Variants in MACROD2 observed in about 807,000 individuals in gnomAD.
MACROD2 encodes ADP-ribose glycohydrolase MACROD2.
A neutral mutation model predicts 70.4 loss-of-function variants in MACROD2; 36 were observed. The ratio of observed to expected loss-of-function variants is 0.51; its 90% CI spans 0.39 to 0.68. The LOEUF (loss-of-function observed/expected upper bound fraction) is 0.68. MACROD2 is among the 30% of genes least tolerant of loss of function. MACROD2 has a pLI of 0.00. For missense variants in MACROD2, 496 were observed against 538.4 expected (o/e 0.92, Z 0.78); for synonymous variants, 172 against 178.8 (o/e 0.96, Z 0.30).
intron 4 of MACROD2, among the ~76,000 whole-genome samples, chr20:14,538,386 T>G (rs1225584423): frequency 1.3e-5 from 2 of 152,180 alleles, no homozygotes; most frequent in African/African-American, 2.4e-5. Flanking sequence ...GTCACAAGCC[T>G]TCCCTCTGTT....
At chr20:16,004,163 G>A (rs2066754329) in intron 15 of MACROD2, among the ~76,000 whole-genome samples, 2 of 152,106 alleles carry the variant, frequency 1.3e-5, no homozygotes, top group Admixed American at 1.3e-4. Context: ...ATTACCTGTG[G>A]TAAGGATGAG....
intron 7 of MACROD2, among the ~76,000 whole-genome samples, chr20:15,453,863 T>C (rs549895167): frequency 6.6e-6 from 1 of 152,258 alleles, no homozygotes; most frequent in African/African-American, 2.4e-5. Context: ...CTTCTAGTTA[T>C]CTCATGGCGA....
At chr20:15,354,695 T>C (rs942688176) in intron 6 of MACROD2, among the ~76,000 whole-genome samples, 1 of 152,124 alleles carries the variant, frequency 6.6e-6, no homozygotes, top group Non-Finnish European at 1.5e-5. Flanking sequence ...AATACAAAAA[T>C]ATGAAGCTAC....
chr20:15,367,262 G>A (rs143859013), intron 6 of MACROD2, among the ~76,000 whole-genome samples: 1,845 of 152,156 alleles, frequency 0.012, 34 homozygotes, highest in African/African-American at 0.038. Context: ...TCCTGACCTT[G>A]TGATCCGCCT....
In MACROD2 at chr20:15,215,296, G is replaced by GTA. The variant is rs1160467095; in HGVS notation, c.419-14642_419-14641dup. Among the ~76,000 whole-genome samples the GTA allele has an allele frequency of 8.3e-5, 12 of 145,024 alleles. No homozygotes were observed. The East Asian group carries it at 2.4e-3, about 29-fold the overall frequency. On this transcript the variant is annotated intron_variant, in intron 5 of 17. Coordinates refer to ENST00000684519, the MANE Select transcript of MACROD2 (RefSeq NM_001351661.2). ...TGTGTGTGTGTGTGTGTGTGTGTGT[G>GTA]TATTTTCAACCAGGAAGCATATGCT...
chr20:15,776,397 CT>C (rs1392741786), intron 8 of MACROD2, among the ~76,000 whole-genome samples: 1 of 152,146 alleles, frequency 6.6e-6, no homozygotes, highest in Non-Finnish European at 1.5e-5. Flanking sequence ...TGGGAGGCTT[CT>C]CTCACCTGAA....
intron 3 of MACROD2, among the ~76,000 whole-genome samples, chr20:14,222,816 A>AGG (rs1569213380): frequency 1.2e-3 from 9 of 7,768 alleles, no homozygotes; most frequent in African/African-American, 4.0e-3. Context: ...GATTTCTGAA[A>AGG]AAAAAAAAAA....
intron 4 of MACROD2, among the ~76,000 whole-genome samples, chr20:14,618,775 C>T (rs1224664864): frequency 6.6e-6 from 1 of 152,116 alleles, no homozygotes; most frequent in Non-Finnish European, 1.5e-5. Flanking sequence ...AGTGTGAATA[C>T]ATTCATATGG....
At chr20:14,468,034 G>A (rs2084478167) in intron 3 of MACROD2, among the ~76,000 whole-genome samples, 1 of 152,016 alleles carries the variant, frequency 6.6e-6, no homozygotes, top group African/African-American at 2.4e-5. Context: ...TTCCAATAAT[G>A]TGGTCAATTT....
intron 4 of MACROD2, among the ~76,000 whole-genome samples, chr20:14,579,094 A>ATTT (rs34954410): frequency 1.1e-5 from 1 of 90,982 alleles, no homozygotes; most frequent in Non-Finnish European, 2.3e-5. Flanking sequence ...TAACACATTC[A>ATTT]TTTTTTTTTC....
At chr20:14,028,978 T>C (rs573971494) in intron 2 of MACROD2, among the ~76,000 whole-genome samples, 2 of 152,330 alleles carry the variant, frequency 1.3e-5, no homozygotes, top group East Asian at 3.9e-4. Flanking sequence ...TCCACTGTAC[T>C]TTGATCTGGG....
intron 6 of MACROD2, among the ~76,000 whole-genome samples, chr20:15,340,281 G>A (rs2146205935): frequency 6.6e-6 from 1 of 151,380 alleles, no homozygotes; most frequent in African/African-American, 2.4e-5. Flanking sequence ...GGCATTACAG[G>A]TGCCCACCAC....
In MACROD2 at chr20:14,075,623, CT is replaced by C. The variant is rs1357641076; in HGVS notation, c.164-9995del. Among the ~76,000 whole-genome samples, 59 of 152,268 alleles carry C rather than the reference CT, an allele frequency of 3.9e-4. 1 individual carries two copies. The East Asian group carries it at 6.2e-3, about 16-fold the overall frequency. On this transcript the variant is annotated intron_variant, in intron 2 of 17. Transcript: ENST00000684519. ...CTCCCCTTGCCATCTTTGATTTCCC[CT>C]TTAATTCTCTTGAATCTTTTGATGT...
At chr20:15,112,972 G>GTGTGTGTGTGTGTGTC (rs1555783893) in intron 5 of MACROD2, among the ~76,000 whole-genome samples, 245 of 151,940 alleles carry the variant, frequency 1.6e-3, no homozygotes, top group Non-Finnish European at 3.0e-3. Flanking sequence ...GTGTGTGTGT[G>GTGTGTGTGTGTGTGTC]TGTGTGTGTT....
Position 14,975,001 on chromosome 20 carries a change from G to A in MACROD2, c.419-254939G>A, listed in dbSNP as rs377695609. ...TTACCTTGGCACTATTGACATTGTGGGTTAGATAATTCTTTGTTATTGGAG... is the reference window on the plus strand; with the variant it reads ...TTACCTTGGCACTATTGACATTGTGAGTTAGATAATTCTTTGTTATTGGAG... On this transcript the variant is annotated intron_variant, in intron 5 of 17. Transcript: ENST00000684519. Among the ~76,000 whole-genome samples, 21 of 152,186 alleles carry A rather than the reference G, an allele frequency of 1.4e-4. No individual in the cohort carries two copies. The South Asian group carries it at 4.1e-3, about 30-fold the overall frequency.
chr20:14,524,873 T>C (rs1193243233), intron 4 of MACROD2, among the ~76,000 whole-genome samples: 1 of 152,152 alleles, frequency 6.6e-6, no homozygotes, highest in Non-Finnish European at 1.5e-5. Context: ...ACTTGCCTCA[T>C]ACTGTCTCTG....
intron 2 of MACROD2, among the ~76,000 whole-genome samples, chr20:14,032,908 TGCTA>T (rs2148633008): frequency 6.6e-6 from 1 of 152,322 alleles, no homozygotes; most frequent in South Asian, 2.1e-4. Context: ...CTTTAGTAAG[TGCTA>T]GCTTTTATAA....
At chr20:15,739,663 G>A (rs1427216918) in intron 8 of MACROD2, among the ~76,000 whole-genome samples, 3 of 152,190 alleles carry the variant, frequency 2.0e-5, no homozygotes, top group African/African-American at 4.8e-5. Context: ...ACAAATGGAA[G>A]TGAATATTAA....
chr20:15,493,059 G>A (rs1196642268), intron 7 of MACROD2, among the ~76,000 whole-genome samples: 2 of 152,158 alleles, frequency 1.3e-5, no homozygotes, highest in African/African-American at 2.4e-5. Context: ...GGATATGGAT[G>A]AAAACCCTTT....
Sources: allele counts gnomAD v4.1 joint callset (sites outside exome capture counted in the v4.1 genomes callset), GRCh38; gene constraint gnomAD v4.1.1; transcripts MANE v1.5; gene names NCBI Gene and HGNC (gene_info 2026-07-23, HGNC 2026-07-21).